Variants in MCU observed in about 807,000 individuals in gnomAD.
MCU encodes the protein calcium uniporter protein, mitochondrial.
Under a neutral mutation model 45.2 loss-of-function variants are expected in MCU, and 12 were observed. The ratio of observed to expected loss-of-function variants is 0.27; its 90% CI spans 0.17 to 0.43. The LOEUF (loss-of-function observed/expected upper bound fraction) is 0.43, where lower values mean the gene tolerates loss of function less well. MCU is among the 20% of genes least tolerant of loss of function. The pLI, the probability that MCU is intolerant of heterozygous loss-of-function variation, is 1.00. For missense variants in MCU, 324 were observed against 436.7 expected (o/e 0.74, Z 2.30); for synonymous variants, 160 against 165.1 (o/e 0.97, Z 0.24).
intron 1 of MCU, among the ~76,000 whole-genome samples, chr10:72,724,867 A>G (rs950020208): frequency 6.6e-6 from 1 of 152,206 alleles, no homozygotes; most frequent in Non-Finnish European, 1.5e-5. Flanking sequence ...TCCCCAGTTC[A>G]TTGCACAAAA....
At chr10:72,715,441 T>C (rs1842945268) in intron 1 of MCU, among the ~76,000 whole-genome samples, 1 of 152,166 alleles carries the variant, frequency 6.6e-6, no homozygotes, top group African/African-American at 2.4e-5. Context: ...TGGTACACCC[T>C]AAGGGATAAT....
intron 4 of MCU, among the ~76,000 whole-genome samples, chr10:72,863,909 C>T (rs1845416220): frequency 6.6e-6 from 1 of 152,168 alleles, no homozygotes; most frequent in African/African-American, 2.4e-5. Flanking sequence ...AACCACCATG[C>T]CCTTCCTATT....
At chr10:72,719,500 AT>A (rs1468515748) in intron 1 of MCU, among the ~76,000 whole-genome samples, 1 of 152,210 alleles carries the variant, frequency 6.6e-6, no homozygotes, top group East Asian at 1.9e-4. Context: ...CATTTGGAAT[AT>A]TCATGTGTTT....
chr10:72,824,452 G>A (rs1032553910), intron 1 of MCU, among the ~76,000 whole-genome samples: 3 of 148,670 alleles, frequency 2.0e-5, no homozygotes, highest in Non-Finnish European at 4.4e-5. Flanking sequence ...CAGGAAATCC[G>A]CCTGCCTCAG....
intron 1 of MCU, among the ~76,000 whole-genome samples, chr10:72,768,535 GC>G (rs1843760018): frequency 6.6e-6 from 1 of 152,092 alleles, no homozygotes; most frequent in Non-Finnish European, 1.5e-5. Flanking sequence ...TGCAAAATAG[GC>G]TCAGAAGGTT....
intron 1 of MCU, among the ~76,000 whole-genome samples, chr10:72,696,749 C>T (rs1420740282): frequency 1.3e-5 from 2 of 152,068 alleles, no homozygotes; most frequent in South Asian, 4.1e-4. Context: ...GCTATGCACC[C>T]CTTTTTCTGC....
chr10:72,835,766 C>CA (rs755455511), intron 2 of MCU, among the ~76,000 whole-genome samples: 30 of 152,000 alleles, frequency 2.0e-4, no homozygotes, highest in Non-Finnish European at 2.5e-4. Flanking sequence ...CTCTTAAAGA[C>CA]AAAAAACTAA....
rs186561620 is a variant in MCU at position 72,829,153 on chromosome 10, T to C, written c.151-5206T>C. On this transcript the variant is annotated intron_variant, in intron 1 of 7. Coordinates refer to ENST00000373053, the MANE Select transcript of MCU (RefSeq NM_138357.3). The stretch of plus-strand genomic sequence containing the variant: ...CAGGCCAACATGGTGAAACCCTGTC[T>C]CTACTAAAAAATATAAAAATTAGCC... Among the ~76,000 whole-genome samples, 7 of 152,160 alleles carry C rather than the reference T, an allele frequency of 4.6e-5. 1 individual carries two copies. The highest frequency in any genetic ancestry group is 3.3e-4 in the Admixed American group (5 of 15,278).
chr10:72,721,637 C>T (rs1843023474), intron 1 of MCU, among the ~76,000 whole-genome samples: 1 of 152,174 alleles, frequency 6.6e-6, no homozygotes, highest in Non-Finnish European at 1.5e-5. Flanking sequence ...TTTCTTTTCC[C>T]TCTTGAGTCT....
intron 1 of MCU, among the ~76,000 whole-genome samples, chr10:72,695,318 T>A (rs1408895697): frequency 6.6e-6 from 1 of 152,232 alleles, no homozygotes; most frequent in Non-Finnish European, 1.5e-5. Flanking sequence ...GCAATGACAT[T>A]GTTTCAGCTT....
rs1393715504 is a variant in MCU at position 72,885,766 on chromosome 10, C to G, written c.1000C>G (p.Leu334Val). 1 of 1,613,522 alleles carries G rather than the reference C, an allele frequency of 6.2e-7. No homozygotes were observed. Among genetic ancestry groups the G allele is most frequent in the East Asian group, 2.2e-5 (1 of 44,868 alleles). Residue 334 changes from leucine (L) to valine (V), a missense_variant, in exon 8 of 8, where the codon CTG becomes GTG. By Grantham distance (32) the Leu-to-Val change is conservative (BLOSUM62 1). Transcript: ENST00000373053. ...IAQAEMDLKR[L>V]RDPLQVHLPL... ...TTAGGCAGAAATGGACCTTAAGAGA[C>G]TGAGAGACCCATTACAAGTACATCT...
intron 1 of MCU, among the ~76,000 whole-genome samples, chr10:72,725,088 T>TC (rs35201799): frequency 0.52 from 78,236 of 151,868 alleles, 22,449 homozygotes; most frequent in Non-Finnish European, 0.67. Flanking sequence ...CTCAGCCTCT[T>TC]CAAGTAGCTG....
chr10:72,777,163 A>G (rs1417099991), intron 1 of MCU, among the ~76,000 whole-genome samples: 1 of 152,228 alleles, frequency 6.6e-6, no homozygotes, highest in Non-Finnish European at 1.5e-5. Context: ...ATCCCTATCA[A>G]AATACCAATG....
chr10:72,729,136 G>A (rs1465916063), intron 1 of MCU, among the ~76,000 whole-genome samples: 1 of 152,178 alleles, frequency 6.6e-6, no homozygotes, highest in Non-Finnish European at 1.5e-5. Context: ...GATCTTTCCT[G>A]TTGAAGAATA....
At chr10:72,813,453 T>C (rs1348526402) in intron 1 of MCU, among the ~76,000 whole-genome samples, 2 of 121,446 alleles carry the variant, frequency 1.6e-5, no homozygotes, top group African/African-American at 6.7e-5. Context: ...GCTCTCTCTT[T>C]TTTTTTTTTT....
At chr10:72,702,980 A>G (rs1842777007) in intron 1 of MCU, among the ~76,000 whole-genome samples, 1 of 88,362 alleles carries the variant, frequency 1.1e-5, no homozygotes, top group Admixed American at 9.5e-5. Context: ...CTGTGTCTCA[A>G]AAAAAGAAAA....
At chr10:72,856,680 G>T (rs1216382891) in intron 2 of MCU, among the ~76,000 whole-genome samples, 3 of 149,600 alleles carry the variant, frequency 2.0e-5, no homozygotes, top group Non-Finnish European at 4.4e-5. Context: ...CATGGCTTTA[G>T]TCCCAGCACT....
chr10:72,749,747 G>C (rs1376738953), intron 1 of MCU, among the ~76,000 whole-genome samples: 1 of 151,994 alleles, frequency 6.6e-6, no homozygotes, highest in Non-Finnish European at 1.5e-5. Context: ...CTAGTTAAAG[G>C]GTGCTGTTGT....
chr10:72,805,167 C>CTTTT (rs1564562343), intron 1 of MCU, among the ~76,000 whole-genome samples: 1 of 138,348 alleles, frequency 7.2e-6, no homozygotes, highest in Non-Finnish European at 1.5e-5. Context: ...TTCTGTCTCT[C>CTTTT]TCTCTCTCTC....
Sources: gnomAD v4.1 joint callset for allele counts (sites outside exome capture counted in the v4.1 genomes callset) on GRCh38, gnomAD v4.1.1 for gene constraint, MANE v1.5 for transcripts, NCBI Gene and HGNC (gene_info 2026-07-23, HGNC 2026-07-21) for gene names.